The following NHLRC3 variants were observed in gnomAD, a reference collection of about 807,000 sequenced individuals.
NHLRC3 encodes the protein NHL repeat-containing protein 3.
Under a neutral mutation model 32.0 loss-of-function variants are expected in NHLRC3, and 23 were observed. The observed-to-expected ratio is 0.72, with a 90% CI of 0.52 to 1.02. NHLRC3 has a LOEUF of 1.02. Among genes scored for constraint, NHLRC3 ranks in the 50% least tolerant of loss-of-function variants. The pLI, the probability that NHLRC3 is intolerant of heterozygous loss-of-function variation, is 0.00. For missense variants in NHLRC3, 407 were observed against 406.8 expected, an observed-to-expected ratio of 1.00 and a Z score of -0.01; for synonymous variants, 159 against 147.9, an observed-to-expected ratio of 1.08 and a Z score of -0.55.
chr13:39,046,346 A>T (rs1275985941), intron 5 of NHLRC3, among the ~76,000 whole-genome samples: 1 of 152,134 alleles, frequency 6.6e-6, no homozygotes, highest in Non-Finnish European at 1.5e-5. Context: ...ATTTCCCTTT[A>T]TGCTTTAAGC....
chr13:39,044,229 TTGTGTGTGTGTGTGTGTGTG>T lies in NHLRC3; in HGVS notation c.678+68_678+87del, dbSNP rs370553701. 17 of 859,156 alleles carry T rather than the reference TTGTGTGTGTGTGTGTGTGTG, an allele frequency of 2.0e-5. 1 individual carries two copies. In the South Asian group the frequency reaches 2.2e-4, roughly 11 times the overall value. 53.2% of individuals were successfully genotyped at this position (859,156 alleles called of 1,614,324 possible). ...TCTGGGACTTTGTGTCTGAATATGTTTGTGTGTGTGTGTGTGTGTGTGTGTGTGTGTGTGTGTGTCTGGGC... is the reference window on the plus strand; with the variant it reads ...TCTGGGACTTTGTGTCTGAATATGTTTGTGTGTGTGTGTGTGTGTCTGGGC... On this transcript the variant is annotated intron_variant, in intron 5 of 6. Coordinates refer to ENST00000379600, the MANE Select transcript of NHLRC3 (RefSeq NM_001012754.4).
intron 1 of NHLRC3, 199 bp downstream of exon 1, chr13:39,038,922 A>C: frequency 1.6e-6 from 1 of 637,674 alleles, no homozygotes. Context: ...CTCTTTCCCA[A>C]CTCTTACTAC....
intron 3 of NHLRC3, chr13:39,041,882 T>G (rs1186506040): frequency 2.4e-5 from 11 of 466,648 alleles, no homozygotes; most frequent in Non-Finnish European, 4.2e-5. Context: ...TATTTGAATT[T>G]AGAATCCGCT....
At chr13:39,047,636 TCACAGACA>T (rs1429484600) in intron 6 of NHLRC3, 30 bp from the exon 7 acceptor site, 2 of 1,570,778 alleles carry the variant, frequency 1.3e-6, no homozygotes, top group Non-Finnish European at 1.7e-6. Context: ...TTATGTTTTT[TCACAGACA>T]TTTATTATGT....
chr13:39,038,704 C>G lies in NHLRC3; in HGVS notation c.65C>G (p.Ser22Trp). ...TTTCTTGCATTTTTGGTTTTGCATTCGCGTTTTTGTGGCTCTCCAGTGAGT... is the reference window on the plus strand; with the variant it reads ...TTTCTTGCATTTTTGGTTTTGCATTGGCGTTTTTGTGGCTCTCCAGTGAGT... ...GFFLAFLVLH[S>W]RFCGSPVLRN... The change falls in exon 1 of 7, where the codon TCG becomes TGG. Residue 22 changes from serine (S) to tryptophan (W), a missense_variant. Coordinates refer to ENST00000379600, the MANE Select transcript of NHLRC3 (RefSeq NM_001012754.4). The G allele has an allele frequency of 6.2e-7, 1 of 1,613,992 alleles. No individual in the cohort carries two copies. The highest frequency in any genetic ancestry group is 8.5e-7 in the Non-Finnish European group (1 of 1,179,906).
Position 39,047,732 on chromosome 13 carries a change from G to A in NHLRC3, c.850G>A (p.Val284Ile). ...CCAGCTGAATCTTAGCAGGCTCTCAGTCGTAGCAGCACCCCCAGTGGGAAG... is the reference window on the plus strand; with the variant it reads ...CCAGCTGAATCTTAGCAGGCTCTCAATCGTAGCAGCACCCCCAGTGGGAAG... ...VAQLNLSRLS[V>I]VAAPPVGSIG... Residue 284 changes from valine (V) to isoleucine (I), a missense_variant, in exon 7 of 7, where the codon GTC (valine) becomes ATC (isoleucine). Val to Ile is a conservative substitution (Grantham distance 29, BLOSUM62 3). Transcript: ENST00000379600. 1.2e-6 allele frequency: 2 copies of A among 1,614,080 alleles called. No individual in the cohort carries two copies. Among genetic ancestry groups the A allele is most frequent in the Non-Finnish European group, 1.7e-6 (2 of 1,179,944 alleles).
intron 1 of NHLRC3, 44 bp from the exon 2 acceptor site, chr13:39,039,092 A>G: frequency 1.4e-6 from 1 of 707,544 alleles, no homozygotes; most frequent in Non-Finnish European, 2.0e-6. Context: ...TTTTGTTCTT[A>G]CCTAGACGGT....
rs754110180 is a variant in NHLRC3 at position 39,039,606 on chromosome 13, G to A, written c.280G>A (p.Gly94Arg). The A allele has an allele frequency of 1.2e-6, 2 of 1,611,856 alleles. No individual in the cohort carries two copies. The highest frequency in any genetic ancestry group is 1.7e-6 in the Non-Finnish European group (2 of 1,178,042). ...AAAGATATTAGTGTTCACAGAGGAT[G>A]GATATTTCCTACGAGCCTGGAATTA... ...IPKILVFTED[G>R]YFLRAWNYTV... Residue 94 changes from glycine (G) to arginine (R), a missense_variant, in exon 3 of 7, where the codon GGA becomes AGA. Coordinates refer to ENST00000379600, the MANE Select transcript of NHLRC3 (RefSeq NM_001012754.4).
intron 5 of NHLRC3, among the ~76,000 whole-genome samples, chr13:39,044,865 G>A (rs7997010): frequency 0.018 from 2,704 of 152,182 alleles, 95 homozygotes; most frequent in African/African-American, 0.061. Context: ...TTTTCCTATA[G>A]CAGCCTGTAC....
Position 39,047,817 on chromosome 13 carries a change from T to C in NHLRC3, c.935T>C (p.Leu312Pro), listed in dbSNP as rs767465291. ...CTAGCAGATCAAGTTTTGCCACATCTCCTAGAAGTCGACAGAAAGACTGGA... is the reference window on the plus strand; with the variant it reads ...CTAGCAGATCAAGTTTTGCCACATCCCCTAGAAGTCGACAGAAAGACTGGA... Reference protein sequence around the residue: ...IQLADQVLPHLLEVDRKTGAV... With the variant: ...IQLADQVLPHPLEVDRKTGAV... Residue 312 changes from leucine to proline, a missense_variant, in exon 7 of 7, where the codon CTC (leucine) becomes CCC (proline). Transcript: ENST00000379600. 6.2e-7 allele frequency: 1 copy of C among 1,614,098 alleles called. No individual in the cohort carries two copies. The highest frequency in any genetic ancestry group is 1.1e-5 in the South Asian group (1 of 91,084).
chr13:39,044,955 T>C (rs1437973331), intron 5 of NHLRC3, among the ~76,000 whole-genome samples: 1 of 152,232 alleles, frequency 6.6e-6, no homozygotes, highest in African/African-American at 2.4e-5. Context: ...TTGAAAGTGC[T>C]TACTGAATCT....
In NHLRC3 at chr13:39,039,239, C is replaced by T. The variant is rs1351274034; in HGVS notation, c.188C>T (p.Thr63Ile). Residue 63 changes from threonine to isoleucine, a missense_variant, in exon 2 of 7, where the codon ACA (threonine) becomes ATA (isoleucine). Coordinates refer to ENST00000379600, the MANE Select transcript of NHLRC3 (RefSeq NM_001012754.4). ...PKHPEYFTGT[T>I]FCVAVDSLNG... is the part of the protein sequence containing the mutation. ...CACCCAGAATATTTTACCGGAACAA[C>T]ATTTTGTGTTGCAGTTGACTCCCTC... 1 of 1,613,994 alleles carries T rather than the reference C, an allele frequency of 6.2e-7. No homozygotes were observed. Among genetic ancestry groups the T allele is most frequent in the Admixed American group, 1.7e-5 (1 of 60,012 alleles).
chr13:39,044,111 A>G lies in NHLRC3; in HGVS notation c.608A>G (p.His203Arg). 5.0e-6 allele frequency: 8 copies of G among 1,613,354 alleles called. No individual in the cohort carries two copies. The highest frequency in any genetic ancestry group is 2.2e-5 in the East Asian group (1 of 44,878). Reference protein sequence around the residue: ...LSQDFMILWLHGENGTGPAKF... With the variant: ...LSQDFMILWLRGENGTGPAKF... ...ATAGATTTCATGATCCTTTGGCTGC[A>G]TGGAGAAAATGGGACAGGGCCTGCT... The change falls in exon 5 of 7, where the codon CAT (histidine) becomes CGT (arginine). Residue 203 changes from histidine to arginine, a missense_variant. By Grantham distance (29) the His-to-Arg change is conservative (BLOSUM62 0). Coordinates refer to ENST00000379600, the MANE Select transcript of NHLRC3 (RefSeq NM_001012754.4).
At chr13:39,038,371 T>G, upstream of NHLRC3, 1 of 508,080 alleles carries the variant, frequency 2.0e-6, no homozygotes. Context: ...GAAAGGGTGG[T>G]CACTGGGTCA....
Position 39,039,688 on chromosome 13 carries a change from T to A in NHLRC3, c.362T>A (p.Val121Asp). ...FAASTLYEQS[V>D]WITDVGSGFF... ...GCCAGTACTCTATATGAACAATCCG[T>A]CTGGATCACGGATGTAGGAAGTGGT... The change falls in exon 3 of 7, where the codon GTC becomes GAC. Residue 121 changes from valine (V) to aspartate (D), a missense_variant. Physicochemically the swap from Val to Asp is radical, Grantham distance 152 (BLOSUM62 -3). Transcript: ENST00000379600. 6.2e-7 allele frequency: 1 copy of A among 1,612,788 alleles called. No homozygotes were observed. The highest frequency in any genetic ancestry group is 8.5e-7 in the Non-Finnish European group (1 of 1,178,832).
rs931611700 is a variant in NHLRC3 at position 39,048,652 on chromosome 13, T to A, written c.*726T>A. The stretch of plus-strand genomic sequence containing the variant: ...TTCCAAGTAAAGAAGGTATAAAAAG[T>A]TAGAAGTGTACTGTAAACTTTGATA... On this transcript the variant is annotated 3_prime_UTR_variant, in exon 7 of 7. Transcript: ENST00000379600. 6.6e-6 allele frequency: 1 copy of A among 152,146 alleles called. No homozygotes were observed. Among genetic ancestry groups the A allele is most frequent in the Non-Finnish European group, 1.5e-5 (1 of 68,018 alleles). The allele number at this position is 152,146 out of a possible 1,614,324, so 9.4% of individuals were successfully genotyped here.
intron 5 of NHLRC3, among the ~76,000 whole-genome samples, chr13:39,044,652 C>T (rs539234927): frequency 7.9e-5 from 12 of 152,290 alleles, no homozygotes; most frequent in African/African-American, 2.6e-4. Context: ...CCTAGGCAAA[C>T]TCTTGTTCTC....
In NHLRC3 at chr13:39,047,127, A is replaced by C. The variant is rs41286949; in HGVS notation, c.766A>C (p.Thr256Pro). Residue 256 changes from threonine to proline, a missense_variant, in exon 6 of 7, where the codon ACA becomes CCA. Thr to Pro is a conservative substitution (Grantham distance 38). Coordinates refer to ENST00000379600, the MANE Select transcript of NHLRC3 (RefSeq NM_001012754.4). ...GTTAGGAGCATGGAATAATTGTTTC[A>C]CAGAAGAGGGACCTTCTTCAGTCAG... ...EWLGAWNNCF[T>P]EEGPSSVRFT... The C allele has an allele frequency of 1.9e-6, 3 of 1,606,290 alleles. No homozygotes were observed. The Admixed American group carries it at 5.0e-5, about 27-fold the overall frequency.
chr13:39,044,229 TTGTGTGTGTGTGTGTGTGTGTGTG>T (rs370553701), intron 5 of NHLRC3, 48 bp downstream of exon 5: 2 of 859,156 alleles, frequency 2.3e-6, no homozygotes, highest in Admixed American at 4.1e-5. Flanking sequence ...CTGAATATGT[TTGTGTGTGTGTGTGTGTGTGTGTG>T]TGTGTGTGTG....
Sources: gnomAD v4.1 joint callset for allele counts (sites outside exome capture counted in the v4.1 genomes callset) on GRCh38, gnomAD v4.1.1 for gene constraint, MANE v1.5 for transcripts, NCBI Gene and HGNC (gene_info 2026-07-23, HGNC 2026-07-21) for gene names.